The following ASIC2 variants were observed in gnomAD, a reference collection of about 807,000 sequenced individuals.
ASIC2 encodes acid-sensing ion channel 2.
Under a neutral mutation model 57.3 loss-of-function variants are expected in ASIC2, and 25 were observed. The ratio of observed to expected loss-of-function variants is 0.44; its 90% confidence interval spans 0.32 to 0.61. The LOEUF (loss-of-function observed/expected upper bound fraction) is 0.61, where lower values mean the gene tolerates loss of function less well. ASIC2 is among the 20% of genes least tolerant of loss of function. ASIC2 has a pLI of 0.06. For synonymous variants in ASIC2, 319 were observed against 307.5 expected, an observed-to-expected ratio of 1.04 and a Z score of -0.39; for missense variants, 641 against 738.1, an observed-to-expected ratio of 0.87 and a Z score of 1.52.
chr17:33,882,791 T>C (rs1205849488), intron 1 of ASIC2, among the ~76,000 whole-genome samples: 1 of 152,222 alleles, frequency 6.6e-6, no homozygotes. Context: ...ATCATGCTGC[T>C]ATAAAGACAC....
At chr17:33,298,532 C>G (rs1049121758) in intron 1 of ASIC2, among the ~76,000 whole-genome samples, 1 of 152,142 alleles carries the variant, frequency 6.6e-6, no homozygotes, top group Non-Finnish European at 1.5e-5. Flanking sequence ...AGTCTTTGCT[C>G]TTGTGAATAG....
intron 1 of ASIC2, among the ~76,000 whole-genome samples, chr17:34,089,701 A>G (rs1910253329): frequency 6.6e-6 from 1 of 151,726 alleles, no homozygotes; most frequent in South Asian, 2.1e-4. Flanking sequence ...AGAGAAGATC[A>G]CTCTCTTCAA....
At chr17:33,089,398 G>A (rs575879313) in intron 2 of ASIC2, among the ~76,000 whole-genome samples, 1 of 152,172 alleles carries the variant, frequency 6.6e-6, no homozygotes, top group Non-Finnish European at 1.5e-5. Context: ...GCAGGGGAAT[G>A]AATTTTCCCC....
intron 1 of ASIC2, among the ~76,000 whole-genome samples, chr17:33,370,599 A>C (rs978070580): frequency 1.3e-5 from 2 of 152,184 alleles, no homozygotes; most frequent in East Asian, 1.9e-4. Flanking sequence ...AGGGGTGAGG[A>C]ATTCCACACC....
chr17:33,839,914 C>T (rs1913384522), intron 1 of ASIC2, among the ~76,000 whole-genome samples: 2 of 152,184 alleles, frequency 1.3e-5, no homozygotes, highest in African/African-American at 4.8e-5. Context: ...CCGTGGACCT[C>T]CTCTTCTGAG....
intron 1 of ASIC2, among the ~76,000 whole-genome samples, chr17:33,560,751 T>A (rs1335132832): frequency 6.6e-6 from 1 of 152,202 alleles, no homozygotes; most frequent in African/African-American, 2.4e-5. Context: ...GCAGACTGCT[T>A]GGGGCTTTCC....
intron 1 of ASIC2, among the ~76,000 whole-genome samples, chr17:33,604,129 AGGAAAT>A (rs1352756433): frequency 2.6e-5 from 4 of 152,226 alleles, no homozygotes; most frequent in Non-Finnish European, 4.4e-5. Flanking sequence ...GGCTGTGTCA[AGGAAAT>A]GGACTAGAGG....
chr17:33,497,594 C>T (rs949642534), intron 1 of ASIC2, among the ~76,000 whole-genome samples: 1 of 152,168 alleles, frequency 6.6e-6, no homozygotes, highest in East Asian at 1.9e-4. Context: ...CTAAAATAAT[C>T]CCTGCTTCCC....
chr17:33,724,056 A>C (rs1994658), intron 1 of ASIC2, among the ~76,000 whole-genome samples: 94,736 of 151,884 alleles, frequency 0.62, 33,053 homozygotes, highest in Non-Finnish European at 0.8. Context: ...TAATTGAATC[A>C]TGGGGGTGGG....
chr17:33,460,268 C>A (rs1335420914), intron 1 of ASIC2, among the ~76,000 whole-genome samples: 2 of 152,140 alleles, frequency 1.3e-5, no homozygotes, highest in African/African-American at 4.8e-5. Flanking sequence ...GCATGTGACA[C>A]AATTTGAGCA....
At chr17:34,038,715 A>C (rs1907985108) in intron 1 of ASIC2, 1 of 1,604,800 alleles carries the variant, frequency 6.2e-7, no homozygotes, top group Non-Finnish European at 8.5e-7. Flanking sequence ...CTGAGTTTGA[A>C]GATTTCTTCT....
chr17:33,703,274 T>A (rs1908760001), intron 1 of ASIC2, among the ~76,000 whole-genome samples: 1 of 152,154 alleles, frequency 6.6e-6, no homozygotes. Flanking sequence ...AATATTTGGA[T>A]TTTAATTAAT....
At chr17:33,947,239 G>A (rs543820026) in intron 1 of ASIC2, among the ~76,000 whole-genome samples, 3 of 152,210 alleles carry the variant, frequency 2.0e-5, no homozygotes, top group African/African-American at 7.2e-5. Context: ...TCCAGACTGT[G>A]TCTCCCCTCC....
intron 1 of ASIC2, among the ~76,000 whole-genome samples, chr17:33,519,424 T>A (rs979236091): frequency 6.6e-6 from 1 of 152,152 alleles, no homozygotes; most frequent in South Asian, 2.1e-4. Flanking sequence ...GCTCTGACAT[T>A]TGACGAGCTA....
At chr17:33,825,879 TTTAG>T (rs1243083865) in intron 1 of ASIC2, among the ~76,000 whole-genome samples, 1 of 152,130 alleles carries the variant, frequency 6.6e-6, no homozygotes, top group Non-Finnish European at 1.5e-5. Flanking sequence ...TAAGATAAAT[TTTAG>T]TTATTTTTTC....
chr17:33,610,870 G>A (rs1254426314), intron 1 of ASIC2, among the ~76,000 whole-genome samples: 2 of 152,136 alleles, frequency 1.3e-5, no homozygotes, highest in African/African-American at 4.8e-5. Context: ...CCTCCAGCCT[G>A]AGCAACAGAG....
At chr17:33,790,639 C>CA (rs1339172755) in intron 1 of ASIC2, among the ~76,000 whole-genome samples, 2 of 152,054 alleles carry the variant, frequency 1.3e-5, no homozygotes, top group Admixed American at 1.3e-4. Context: ...TTTCCTTAGG[C>CA]AGCCCCCATA....
chr17:33,992,545 C>T (rs950060863), intron 1 of ASIC2, among the ~76,000 whole-genome samples: 1 of 152,122 alleles, frequency 6.6e-6, no homozygotes, highest in Non-Finnish European at 1.5e-5. Context: ...CTTAAGGGTG[C>T]GGGGTGAATT....
intron 1 of ASIC2, among the ~76,000 whole-genome samples, chr17:33,644,933 G>A (rs1322483070): frequency 2.6e-5 from 4 of 152,214 alleles, no homozygotes; most frequent in Non-Finnish European, 1.5e-5. Flanking sequence ...AGGAAGAACA[G>A]TAGGAAGATA....
Sources: gnomAD v4.1 joint callset for allele counts (sites outside exome capture counted in the v4.1 genomes callset) on GRCh38, gnomAD v4.1.1 for gene constraint, MANE v1.5 for transcripts, NCBI Gene and HGNC (gene_info 2026-07-23, HGNC 2026-07-21) for gene names.